Variants in ANO4 observed in about 807,000 individuals in gnomAD.
ANO4 encodes the protein anoctamin-4.
ANO4 carries 69 observed loss-of-function variants against 141.9 expected under a neutral mutation model. That is an observed-to-expected ratio of 0.49 (90% CI 0.40 to 0.59). The LOEUF (loss-of-function observed/expected upper bound fraction) is 0.59, where lower values mean the gene tolerates loss of function less well. Among genes scored for constraint, ANO4 ranks in the 20% least tolerant of loss-of-function variants. The pLI is 0.00. For synonymous variants in ANO4, 350 were observed against 394.3 expected (o/e 0.89, Z 1.33); for missense variants, 894 against 1,162.2 (o/e 0.77, Z 3.36).
chr12:101,029,780 T>C (rs1172410605), intron 9 of ANO4, among the ~76,000 whole-genome samples: 4 of 151,634 alleles, frequency 2.6e-5, no homozygotes, highest in African/African-American at 9.7e-5. Flanking sequence ...TATGGTGGCA[T>C]GTCCCTGTAA....
At position 101,100,973 on chromosome 12, in the gene ANO4, T is replaced by C. The variant is rs556659381; in HGVS notation, c.2149+1253T>C. Among the ~76,000 whole-genome samples, 194 of 152,332 alleles carry C rather than the reference T, an allele frequency of 1.3e-3. 1 individual carries two copies. Among genetic ancestry groups the C allele is most frequent in the African/African-American group, 4.3e-3 (177 of 41,584 alleles). On this transcript the variant is annotated intron_variant, in intron 22 of 27. Coordinates refer to ENST00000392977, the MANE Select transcript of ANO4 (RefSeq NM_001286615.2). ...CAGGTCAGATTCAGCCCACTGCCTG[T>C]TTTTGTAAATAAAGTTTTATTGGAA...
At chr12:100,855,012 A>G (rs946804071) in intron 1 of ANO4, among the ~76,000 whole-genome samples, 17 of 151,868 alleles carry the variant, frequency 1.1e-4, no homozygotes, top group African/African-American at 4.1e-4. Context: ...TTTTCTCCTC[A>G]TACGCTTTAT....
At chr12:101,106,559 ATGTGTG>A (rs570692866) in intron 22 of ANO4, among the ~76,000 whole-genome samples, 1 of 134,438 alleles carries the variant, frequency 7.4e-6, no homozygotes, top group Admixed American at 8.0e-5. Context: ...ATGGATATTC[ATGTGTG>A]TGTGTGTGTA....
intron 1 of ANO4, among the ~76,000 whole-genome samples, chr12:100,830,638 G>A (rs1479641774): frequency 6.6e-6 from 1 of 151,922 alleles, no homozygotes; most frequent in East Asian, 1.9e-4. Context: ...ACATCACATG[G>A]GCCATCCAGC....
At chr12:100,784,490 C>G (rs1361102149) in intron 3 of ANO4, among the ~76,000 whole-genome samples, 1 of 152,180 alleles carries the variant, frequency 6.6e-6, no homozygotes, top group Non-Finnish European at 1.5e-5. Context: ...TTTCCTCTCT[C>G]TTATTGTTGT....
chr12:100,762,664 G>T (rs1168409676), intron 3 of ANO4, among the ~76,000 whole-genome samples: 1 of 152,146 alleles, frequency 6.6e-6, no homozygotes, highest in Admixed American at 6.5e-5. Context: ...TGGGCTCTCT[G>T]CTTGGCTGGC....
chr12:100,819,111 T>C (rs1481933985), intron 1 of ANO4, among the ~76,000 whole-genome samples: 3 of 140,874 alleles, frequency 2.1e-5, no homozygotes, highest in Non-Finnish European at 4.9e-5. Flanking sequence ...GTAATGACAT[T>C]AGATGAATTT....
chr12:100,971,854 T>TA lies in ANO4; in HGVS notation c.557+448_557+449insA, dbSNP rs1160873877. 6.4e-5 allele frequency among the ~76,000 whole-genome samples: 9 copies of TA among 140,188 alleles called. No homozygotes were observed. The East Asian group carries it at 7.1e-4, about 11-fold the overall frequency. The allele number at this position is 140,188 out of a possible 152,430, so 92.0% of individuals were successfully genotyped here. On this transcript the variant is annotated intron_variant, in intron 6 of 27. Transcript: ENST00000392977. ...ATTTCATGACAGTGTGATCTTCTTT[T>TA]TAAAAAAAAAACAAAAAAAACCACT...
At chr12:101,073,579 A>ATAATAG (rs1236951115) in intron 14 of ANO4, among the ~76,000 whole-genome samples, 1,604 of 149,246 alleles carry the variant, frequency 0.011, 31 homozygotes, top group African/African-American at 0.037. Context: ...AATAATAATA[A>ATAATAG]TAATAATAAT....
At chr12:101,080,604 G>T (rs2049204803) in intron 15 of ANO4, among the ~76,000 whole-genome samples, 1 of 151,912 alleles carries the variant, frequency 6.6e-6, no homozygotes. Flanking sequence ...TCTTCTCCCT[G>T]TGTCTTCAGG....
intron 7 of ANO4, among the ~76,000 whole-genome samples, chr12:100,983,464 G>A (rs999586739): frequency 1.3e-5 from 2 of 152,248 alleles, no homozygotes; most frequent in African/African-American, 2.4e-5. Context: ...CAATCAAGGT[G>A]TTGGTCACCC....
chr12:100,895,113 AAG>A (rs2040287102), intron 1 of ANO4, among the ~76,000 whole-genome samples: 2 of 151,664 alleles, frequency 1.3e-5, no homozygotes, highest in Admixed American at 1.3e-4. Context: ...TTTGCAGTTA[AAG>A]AGGAAACTCG....
At chr12:101,075,644 TATATAC>T (rs1049846104) in intron 14 of ANO4, among the ~76,000 whole-genome samples, 1 of 147,866 alleles carries the variant, frequency 6.8e-6, no homozygotes, top group Non-Finnish European at 1.5e-5. Context: ...GAAATATATA[TATATAC>T]ACACACACAC....
At chr12:100,815,315 A>G (rs1442569873) in intron 1 of ANO4, among the ~76,000 whole-genome samples, 1 of 152,102 alleles carries the variant, frequency 6.6e-6, no homozygotes, top group Non-Finnish European at 1.5e-5. Context: ...CATGGCCAGT[A>G]TTTGTCGTAA....
chr12:101,005,925 C>A (rs1489852513), intron 8 of ANO4, among the ~76,000 whole-genome samples: 1 of 152,000 alleles, frequency 6.6e-6, no homozygotes, highest in Non-Finnish European at 1.5e-5. Context: ...CTCTTCCTGC[C>A]TCCTCCTCTT....
intron 1 of ANO4, among the ~76,000 whole-genome samples, chr12:100,798,027 A>G (rs1018583538): frequency 1.3e-5 from 2 of 152,220 alleles, no homozygotes; most frequent in Non-Finnish European, 1.5e-5. Flanking sequence ...TGTTTTCCAT[A>G]GTTGATTACC....
chr12:100,891,939 C>T (rs756719244), intron 1 of ANO4, among the ~76,000 whole-genome samples: 4 of 152,120 alleles, frequency 2.6e-5, no homozygotes, highest in Admixed American at 2.0e-4. Flanking sequence ...TTTTGGTAAC[C>T]GCCATTCTAC....
chr12:100,810,487 A>G (rs2035346198), intron 1 of ANO4, among the ~76,000 whole-genome samples: 1 of 152,102 alleles, frequency 6.6e-6, no homozygotes, highest in South Asian at 2.1e-4. Flanking sequence ...GCAGCCTTTA[A>G]GAGGATCTCA....
At chr12:100,946,591 A>T (rs1394206089) in intron 5 of ANO4, among the ~76,000 whole-genome samples, 1 of 152,226 alleles carries the variant, frequency 6.6e-6, no homozygotes, top group Non-Finnish European at 1.5e-5. Context: ...GACAGTTGCC[A>T]CTTACAGGGA....
Sources: allele counts gnomAD v4.1 joint callset (sites outside exome capture counted in the v4.1 genomes callset), GRCh38; gene constraint gnomAD v4.1.1; transcripts MANE v1.5; gene names NCBI Gene and HGNC (gene_info 2026-07-23, HGNC 2026-07-21).